Variants in PHAF1 observed in about 807,000 individuals in gnomAD.
The protein encoded by PHAF1 is phagophore assembly factor 1, also known as phagosome assembly factor 1.
PHAF1 carries 23 observed loss-of-function variants against 63.1 expected under a neutral mutation model. The ratio of observed to expected loss-of-function variants is 0.36; its 90% CI spans 0.26 to 0.52. PHAF1 has a LOEUF of 0.52. Ranked by LOEUF, PHAF1 falls within the 20% of genes least tolerant of loss-of-function variation. The pLI, the probability that PHAF1 is intolerant of heterozygous loss-of-function variation, is 0.93. For missense variants in PHAF1, 427 were observed against 517.2 expected (o/e 0.83, Z 1.69); for synonymous variants, 167 against 185.0 (o/e 0.90, Z 0.79).
intron 2 of PHAF1, among the ~76,000 whole-genome samples, chr16:67,120,585 C>T (rs1262411959): frequency 1.4e-5 from 2 of 147,878 alleles, no homozygotes; most frequent in East Asian, 3.9e-4. Flanking sequence ...TTTTGCAGTG[C>T]AGATCTCTAG....
At chr16:67,131,880 C>CT (rs925276268) in intron 4 of PHAF1, 264 of 146,682 alleles carry the variant, frequency 1.8e-3, no homozygotes, top group Middle Eastern at 3.5e-3. Flanking sequence ...TTCTTTCTTT[C>CT]TTTTTTTTTT....
At chr16:67,138,817 T>C (rs1963698145) in intron 8 of PHAF1, among the ~76,000 whole-genome samples, 1 of 152,196 alleles carries the variant, frequency 6.6e-6, no homozygotes, top group South Asian at 2.1e-4. Flanking sequence ...GTCAGGTGTT[T>C]GTGTAGAATT....
At chr16:67,117,997 C>T (rs1379432293) in intron 1 of PHAF1, among the ~76,000 whole-genome samples, 7 of 149,322 alleles carry the variant, frequency 4.7e-5, no homozygotes, top group Non-Finnish European at 7.4e-5. Context: ...CTCTGTAGCC[C>T]GGGCTGGAGT....
intron 1 of PHAF1, among the ~76,000 whole-genome samples, chr16:67,111,189 G>C (rs554186981): frequency 3.9e-5 from 6 of 152,328 alleles, no homozygotes; most frequent in African/African-American, 1.4e-4. Flanking sequence ...TGTGACAGGT[G>C]AAGGTTGGAT....
At chr16:67,127,984 C>T (rs1027693572) in intron 3 of PHAF1, among the ~76,000 whole-genome samples, 1 of 152,182 alleles carries the variant, frequency 6.6e-6, no homozygotes, top group Non-Finnish European at 1.5e-5. Flanking sequence ...GGATGTCCAG[C>T]AGCCCATAAA....
At chr16:67,124,733 C>G (rs1002135468) in intron 2 of PHAF1, among the ~76,000 whole-genome samples, 1 of 152,100 alleles carries the variant, frequency 6.6e-6, no homozygotes, top group Non-Finnish European at 1.5e-5. Flanking sequence ...GAAACCCCAT[C>G]TGTACTAAAA....
chr16:67,141,886 CTTCTT>C (rs999143286), intron 10 of PHAF1, among the ~76,000 whole-genome samples: 5 of 152,324 alleles, frequency 3.3e-5, no homozygotes, highest in East Asian at 3.9e-4. Flanking sequence ...CAGCTCTTCT[CTTCTT>C]GTCACCCACA....
At chr16:67,143,962 C>T (rs578224029) in intron 10 of PHAF1, among the ~76,000 whole-genome samples, 2 of 152,064 alleles carry the variant, frequency 1.3e-5, no homozygotes, top group Admixed American at 1.3e-4. Context: ...AACAGCCAGG[C>T]GTGGTGGTGG....
chr16:67,110,167 G>T lies in PHAF1; in HGVS notation c.-9G>T. 6.4e-7 allele frequency: 1 copy of T among 1,551,596 alleles called. No homozygotes were observed. The highest frequency in any genetic ancestry group is 1.9e-4 in the Middle Eastern group (1 of 5,186). On this transcript the variant is annotated 5_prime_UTR_variant, in exon 1 of 16. Transcript: ENST00000219139. ...CAGGGAGGCCGCCCGGGCCAGGCGAGCCGAACCAATGCTGGACCTGGAGGT... is the reference window on the plus strand; with the variant it reads ...CAGGGAGGCCGCCCGGGCCAGGCGATCCGAACCAATGCTGGACCTGGAGGT...
intron 13 of PHAF1, 30 bp downstream of exon 13, chr16:67,145,449 C>A (rs971917357): frequency 1.2e-6 from 2 of 1,614,044 alleles, no homozygotes; most frequent in Non-Finnish European, 1.7e-6. Flanking sequence ...CCTGGCATAG[C>A]CTGAGAATGA....
At chr16:67,114,245 C>A (rs939328875) in intron 1 of PHAF1, among the ~76,000 whole-genome samples, 1 of 151,756 alleles carries the variant, frequency 6.6e-6, no homozygotes, top group Non-Finnish European at 1.5e-5. Flanking sequence ...CATGCTTGTA[C>A]TTTGGGAGGC....
chr16:67,141,521 C>T (rs758612239), intron 10 of PHAF1, among the ~76,000 whole-genome samples: 2 of 152,236 alleles, frequency 1.3e-5, no homozygotes, highest in Non-Finnish European at 2.9e-5. Context: ...GCAGGCTGCG[C>T]TTAGCTCATG....
At chr16:67,122,677 G>A (rs1236815704) in intron 2 of PHAF1, among the ~76,000 whole-genome samples, 1 of 151,824 alleles carries the variant, frequency 6.6e-6, no homozygotes, top group Non-Finnish European at 1.5e-5. Flanking sequence ...TAAGTAATCT[G>A]GTTATCTTTA....
At chr16:67,132,071 C>G (rs1033351654) in intron 4 of PHAF1, 2 of 164,712 alleles carry the variant, frequency 1.2e-5, no homozygotes, top group African/African-American at 4.8e-5. Flanking sequence ...CAGGCTCAGG[C>G]AGTTTTGCTG....
intron 2 of PHAF1, among the ~76,000 whole-genome samples, chr16:67,123,597 G>A (rs1033656102): frequency 6.6e-6 from 1 of 152,026 alleles, no homozygotes; most frequent in East Asian, 1.9e-4. Flanking sequence ...TGTAGAGACA[G>A]GGTCTCATTA....
At chr16:67,135,622 T>G (rs1325450784) in intron 8 of PHAF1, 1 of 152,054 alleles carries the variant, frequency 6.6e-6, no homozygotes, top group Non-Finnish European at 1.5e-5. Flanking sequence ...ACCACAGGCA[T>G]GTGCTACCAT....
Position 67,145,615 on chromosome 16 carries a change from G to T in PHAF1, c.1096G>T (p.Val366Phe), listed in dbSNP as rs757827593. 1 of 1,613,972 alleles carries T rather than the reference G, an allele frequency of 6.2e-7. No homozygotes were observed. Among genetic ancestry groups the T allele is most frequent in the Non-Finnish European group, 8.5e-7 (1 of 1,179,948 alleles). The change falls in exon 14 of 16, where the codon GTT (valine) becomes TTT (phenylalanine). Residue 366 changes from valine to phenylalanine, a missense_variant. Val to Phe is a conservative substitution (Grantham distance 50, BLOSUM62 -1). Transcript: ENST00000219139. ...CCTGGGCCACCCTGTGGAGAAGCCT[G>T]TTGTCCTGCACAGGTGAGTGGGAGT... ...ELLGHPVEKP[V>F]VLHRSSSPNN...
chr16:67,131,203 T>A, intron 3 of PHAF1, 83 bp from the exon 4 acceptor site: 41 of 471,224 alleles, frequency 8.7e-5, no homozygotes, highest in Non-Finnish European at 1.3e-4. Context: ...TTTTTTTTAC[T>A]ATTTATTCTA....
At chr16:67,130,015 A>G (rs1472110837) in intron 3 of PHAF1, among the ~76,000 whole-genome samples, 1 of 152,148 alleles carries the variant, frequency 6.6e-6, no homozygotes, top group Non-Finnish European at 1.5e-5. Flanking sequence ...TTTGTTTTGT[A>G]AACAAAATCA....
Sources: allele counts gnomAD v4.1 joint callset (sites outside exome capture counted in the v4.1 genomes callset), GRCh38; gene constraint gnomAD v4.1.1; transcripts MANE v1.5; gene names NCBI Gene and HGNC (gene_info 2026-07-23, HGNC 2026-07-21).